The following GRID2 variants were observed in gnomAD, a reference collection of about 807,000 sequenced individuals.
GRID2 encodes the protein glutamate receptor ionotropic, delta-2.
GRID2 carries 33 observed loss-of-function variants against 114.8 expected under a neutral mutation model. That is an observed-to-expected ratio of 0.29 (90% CI 0.22 to 0.38). The LOEUF is 0.38. Ranked by LOEUF, GRID2 falls within the 10% of genes least tolerant of loss-of-function variation. The pLI is 1.00. For synonymous variants in GRID2, 505 were observed against 449.9 expected (o/e 1.12, Z -1.55); for missense variants, 1,184 against 1,257.7 (o/e 0.94, Z 0.89).
At chr4:93,346,569 T>C (rs561359844) in intron 8 of GRID2, among the ~76,000 whole-genome samples, 42 of 152,320 alleles carry the variant, frequency 2.8e-4, no homozygotes, top group African/African-American at 9.6e-4. Context: ...GGGGAAAATT[T>C]GTTTCATTGT....
At chr4:92,593,343 T>G (rs1728797039) in intron 2 of GRID2, among the ~76,000 whole-genome samples, 1 of 152,050 alleles carries the variant, frequency 6.6e-6, no homozygotes, top group Admixed American at 6.6e-5. Flanking sequence ...ATTTAAGAGC[T>G]GGTTTTTTAT....
intron 2 of GRID2, among the ~76,000 whole-genome samples, chr4:92,940,275 C>A (rs1751004697): frequency 6.8e-6 from 1 of 146,716 alleles, no homozygotes; most frequent in African/African-American, 2.4e-5. Context: ...TTGAAGAGGT[C>A]CTTCACATCC....
chr4:93,527,572 C>G (rs895758775), intron 13 of GRID2, among the ~76,000 whole-genome samples: 1 of 144,762 alleles, frequency 6.9e-6, no homozygotes, highest in African/African-American at 2.6e-5. Context: ...GATAAAGCTT[C>G]TCTTTTTATG....
At chr4:92,376,345 C>T (rs1245095034) in intron 1 of GRID2, among the ~76,000 whole-genome samples, 1 of 151,972 alleles carries the variant, frequency 6.6e-6, no homozygotes. Flanking sequence ...AAATGACCTC[C>T]TTCATATCTC....
At chr4:92,598,217 AAATG>A in intron 2 of GRID2, among the ~76,000 whole-genome samples, 1 of 152,246 alleles carries the variant, frequency 6.6e-6, no homozygotes, top group Non-Finnish European at 1.5e-5. Flanking sequence ...AAAAAAAAGA[AAATG>A]AATCCGCCAG....
chr4:93,596,639 A>G (rs1739131666), intron 13 of GRID2, among the ~76,000 whole-genome samples: 1 of 152,208 alleles, frequency 6.6e-6, no homozygotes, highest in African/African-American at 2.4e-5. Flanking sequence ...AAGTTATTAT[A>G]TTAAGACTTT....
At chr4:92,932,469 G>A (rs1474631532) in intron 2 of GRID2, among the ~76,000 whole-genome samples, 1 of 151,244 alleles carries the variant, frequency 6.6e-6, no homozygotes, top group Non-Finnish European at 1.5e-5. Flanking sequence ...ACGTTTTGTG[G>A]TAGGAAAAAT....
chr4:92,409,579 C>T (rs564092308), intron 1 of GRID2, among the ~76,000 whole-genome samples: 71 of 152,190 alleles, frequency 4.7e-4, no homozygotes, highest in East Asian at 3.7e-3. Context: ...ATAGAACATT[C>T]AGGAACTTGG....
At chr4:93,077,617 C>A (rs2149313353) in intron 2 of GRID2, among the ~76,000 whole-genome samples, 1 of 152,224 alleles carries the variant, frequency 6.6e-6, no homozygotes, top group South Asian at 2.1e-4. Flanking sequence ...TTAATCCTCA[C>A]TCTTTGCTTG....
At chr4:92,599,582 T>C (rs1317505190) in intron 2 of GRID2, among the ~76,000 whole-genome samples, 1 of 152,196 alleles carries the variant, frequency 6.6e-6, no homozygotes, top group African/African-American at 2.4e-5. Context: ...TATCATGTTA[T>C]TTTCTTAAGA....
At chr4:92,664,986 C>CT (rs201290131) in intron 2 of GRID2, among the ~76,000 whole-genome samples, 2,344 of 127,584 alleles carry the variant, frequency 0.018, 63 homozygotes, top group African/African-American at 0.059. Context: ...CTCTGCCATT[C>CT]TTTTTTTTTT....
intron 1 of GRID2, among the ~76,000 whole-genome samples, chr4:92,515,261 T>G (rs1724444562): frequency 6.6e-6 from 1 of 151,918 alleles, no homozygotes; most frequent in Non-Finnish European, 1.5e-5. Flanking sequence ...TACATAGAAT[T>G]CACCATTGAA....
chr4:92,870,040 T>TAA (rs544775625), intron 2 of GRID2, among the ~76,000 whole-genome samples: 2 of 142,760 alleles, frequency 1.4e-5, no homozygotes, highest in Admixed American at 7.0e-5. Context: ...ACAAAAAAAT[T>TAA]AAAAAAAAAA....
intron 8 of GRID2, among the ~76,000 whole-genome samples, chr4:93,346,647 C>CT (rs1439012449): frequency 6.6e-6 from 1 of 152,058 alleles, no homozygotes; most frequent in African/African-American, 2.4e-5. Context: ...AAAATTGGTT[C>CT]TTTTTTAGAG....
intron 2 of GRID2, among the ~76,000 whole-genome samples, chr4:92,849,848 A>T (rs1293965889): frequency 1.3e-5 from 2 of 151,728 alleles, no homozygotes; most frequent in African/African-American, 4.8e-5. Flanking sequence ...TTTCATTGCT[A>T]TGATTTTTAA....
chr4:93,304,548 G>A (rs1755218241), intron 8 of GRID2, among the ~76,000 whole-genome samples: 1 of 151,996 alleles, frequency 6.6e-6, no homozygotes, highest in Admixed American at 6.6e-5. Flanking sequence ...TGTTGCTTTT[G>A]CAAAGAGAAT....
At chr4:93,066,314 C>G (rs1728288920) in intron 2 of GRID2, among the ~76,000 whole-genome samples, 1 of 151,842 alleles carries the variant, frequency 6.6e-6, no homozygotes, top group Non-Finnish European at 1.5e-5. Flanking sequence ...ACTATTAAAC[C>G]TTTGGTCACT....
chr4:93,379,664 G>T (rs1483844225), intron 8 of GRID2, among the ~76,000 whole-genome samples: 2 of 152,060 alleles, frequency 1.3e-5, no homozygotes, highest in Non-Finnish European at 2.9e-5. Context: ...GCATACAAAA[G>T]TGCTGGAGAT....
intron 1 of GRID2, among the ~76,000 whole-genome samples, chr4:92,484,139 A>C (rs1722751544): frequency 6.6e-6 from 1 of 152,178 alleles, no homozygotes; most frequent in South Asian, 2.1e-4. Flanking sequence ...ATTGATAGGG[A>C]ACATTTTAAC....
Sources: gnomAD v4.1 joint callset for allele counts (sites outside exome capture counted in the v4.1 genomes callset) on GRCh38, gnomAD v4.1.1 for gene constraint, MANE v1.5 for transcripts, NCBI Gene and HGNC (gene_info 2026-07-23, HGNC 2026-07-21) for gene names.